The following NRXN3 variants were observed in gnomAD, a reference collection of about 807,000 sequenced individuals.
The protein encoded by NRXN3 is neurexin III.
Under a neutral mutation model 137.6 loss-of-function variants are expected in NRXN3, and 32 were observed. The ratio of observed to expected loss-of-function variants is 0.23; its 90% confidence interval spans 0.18 to 0.31. The LOEUF (loss-of-function observed/expected upper bound fraction) is 0.31. Ranked by LOEUF, NRXN3 falls within the 10% of genes least tolerant of loss-of-function variation. The pLI is 1.00. For missense variants in NRXN3, 1,574 were observed against 2,062.5 expected, an observed-to-expected ratio of 0.76 and a Z score of 4.59; for synonymous variants, 798 against 784.5, an observed-to-expected ratio of 1.02 and a Z score of -0.29.
intron 8 of NRXN3, among the ~76,000 whole-genome samples, chr14:78,731,480 T>G (rs1301018027): frequency 2.0e-5 from 3 of 152,030 alleles, no homozygotes; most frequent in Non-Finnish European, 4.4e-5. Context: ...CCTGTGGTGG[T>G]TCTACAAAAC....
intron 15 of NRXN3, among the ~76,000 whole-genome samples, chr14:79,425,567 A>G (rs975982832): frequency 1.3e-5 from 2 of 152,186 alleles, no homozygotes; most frequent in South Asian, 4.1e-4. Context: ...TTAATTTTCA[A>G]TAATCCTATG....
At chr14:79,381,804 A>G (rs1229104575) in intron 15 of NRXN3, among the ~76,000 whole-genome samples, 1 of 152,186 alleles carries the variant, frequency 6.6e-6, no homozygotes, top group Non-Finnish European at 1.5e-5. Context: ...TAGGAAAATT[A>G]TAAAGGCATC....
chr14:79,242,255 A>G lies in NRXN3; in HGVS notation c.3263-224966A>G, dbSNP rs544850523. Among the ~76,000 whole-genome samples the G allele has an allele frequency of 3.9e-5, 6 of 152,146 alleles. No homozygotes were observed. The South Asian group carries it at 1.2e-3, about 32-fold the overall frequency. The stretch of plus-strand genomic sequence containing the variant: ...GGCTCTTAGCTTTTTGGGATTCTAT[A>G]CTCATGGAGAGGTAAAGCTCAGATC... On this transcript the variant is annotated intron_variant, in intron 15 of 20. Coordinates refer to ENST00000335750, the MANE Select transcript of NRXN3 (RefSeq NM_001330195.2).
chr14:78,246,381 T>G (rs1950804427), intron 2 of NRXN3, among the ~76,000 whole-genome samples: 1 of 152,226 alleles, frequency 6.6e-6, no homozygotes, highest in Non-Finnish European at 1.5e-5. Context: ...ATAATTGTTT[T>G]TTTTTCCTAC....
At chr14:79,803,406 CA>C (rs1035992254) in intron 19 of NRXN3, among the ~76,000 whole-genome samples, 1 of 152,100 alleles carries the variant, frequency 6.6e-6, no homozygotes, top group Non-Finnish European at 1.5e-5. Flanking sequence ...AAGGTGTCAG[CA>C]GAATTAGTGT....
At chr14:79,001,850 C>A (rs889434477) in intron 15 of NRXN3, among the ~76,000 whole-genome samples, 1 of 152,096 alleles carries the variant, frequency 6.6e-6, no homozygotes, top group African/African-American at 2.4e-5. Context: ...GCTTTGTTAA[C>A]AAAGATTATA....
intron 15 of NRXN3, among the ~76,000 whole-genome samples, chr14:79,408,952 AG>A (rs1488128845): frequency 3.3e-5 from 5 of 152,050 alleles, no homozygotes; most frequent in African/African-American, 1.2e-4. Context: ...TTTATTTAAA[AG>A]CACTCCTACT....
chr14:79,728,573 C>A (rs536757964), intron 19 of NRXN3, among the ~76,000 whole-genome samples: 1 of 152,224 alleles, frequency 6.6e-6, no homozygotes, highest in Non-Finnish European at 1.5e-5. Context: ...ACTTTTTCAT[C>A]TTTGCAGGCC....
At chr14:78,694,758 A>C (rs1230418215) in intron 6 of NRXN3, among the ~76,000 whole-genome samples, 1 of 151,912 alleles carries the variant, frequency 6.6e-6, no homozygotes, top group African/African-American at 2.4e-5. Flanking sequence ...ATACTCCTAG[A>C]CAATTTTCTA....
intron 2 of NRXN3, among the ~76,000 whole-genome samples, chr14:78,256,735 A>G (rs1303956098): frequency 5.9e-5 from 9 of 152,246 alleles, no homozygotes; most frequent in Non-Finnish European, 1.0e-4. Flanking sequence ...TAAGTTAACA[A>G]TGCATTGATA....
intron 19 of NRXN3, among the ~76,000 whole-genome samples, chr14:79,752,655 T>C (rs2099002266): frequency 1.3e-5 from 2 of 152,086 alleles, no homozygotes; most frequent in South Asian, 4.1e-4. Flanking sequence ...GACATAGGCA[T>C]GGGCAAGGAC....
intron 4 of NRXN3, among the ~76,000 whole-genome samples, chr14:78,309,941 T>C (rs1008076395): frequency 6.6e-6 from 1 of 152,118 alleles, no homozygotes; most frequent in African/African-American, 2.4e-5. Flanking sequence ...TTCGTTTAAA[T>C]AGGGAAATTA....
intron 15 of NRXN3, among the ~76,000 whole-genome samples, chr14:79,242,542 G>A (rs1371453508): frequency 6.6e-6 from 1 of 152,120 alleles, no homozygotes; most frequent in African/African-American, 2.4e-5. Context: ...CTCTACCCTG[G>A]ACCTAAAGCT....
chr14:78,889,814 C>T (rs1017675044), intron 10 of NRXN3, among the ~76,000 whole-genome samples: 7 of 151,978 alleles, frequency 4.6e-5, no homozygotes, highest in Non-Finnish European at 7.4e-5. Flanking sequence ...GAACCTGTGA[C>T]GTGACCTTAC....
intron 14 of NRXN3, among the ~76,000 whole-genome samples, chr14:78,985,470 C>T (rs148398488): frequency 1.6e-4 from 25 of 152,120 alleles, no homozygotes; most frequent in East Asian, 1.2e-3. Flanking sequence ...CACAACAAAG[C>T]GGGAGAATTA....
At chr14:79,337,590 G>T (rs1304331380) in intron 15 of NRXN3, among the ~76,000 whole-genome samples, 1 of 152,210 alleles carries the variant, frequency 6.6e-6, no homozygotes, top group Non-Finnish European at 1.5e-5. Flanking sequence ...ATAATGGAAT[G>T]ATGTTTGTGC....
chr14:79,583,074 G>C (rs1256700599), intron 16 of NRXN3, among the ~76,000 whole-genome samples: 2 of 152,096 alleles, frequency 1.3e-5, no homozygotes, highest in Non-Finnish European at 2.9e-5. Context: ...ACACAAAAAA[G>C]TAAAACACAA....
At chr14:78,733,661 A>C in intron 8 of NRXN3, among the ~76,000 whole-genome samples, 1 of 152,168 alleles carries the variant, frequency 6.6e-6, no homozygotes, top group South Asian at 2.1e-4. Flanking sequence ...ACTATATTGC[A>C]TGAGGACTCA....
chr14:79,009,938 C>CCTTTT (rs1464570507), intron 15 of NRXN3, among the ~76,000 whole-genome samples: 1 of 152,146 alleles, frequency 6.6e-6, no homozygotes, highest in Non-Finnish European at 1.5e-5. Flanking sequence ...TGTGTTGTCA[C>CCTTTT]CTTTTCTTTT....
Sources: gnomAD v4.1 joint callset for allele counts (sites outside exome capture counted in the v4.1 genomes callset) on GRCh38, gnomAD v4.1.1 for gene constraint, MANE v1.5 for transcripts, NCBI Gene and HGNC (gene_info 2026-07-23, HGNC 2026-07-21) for gene names.